Variants in ANK2 observed in about 807,000 individuals in gnomAD.
ANK2 encodes ankyrin-2.
In ANK2, 83 loss-of-function variants were observed where a neutral mutation model predicts 360.5. That is an observed-to-expected ratio of 0.23 (90% CI 0.19 to 0.28). ANK2 has a LOEUF of 0.28. Ranked by LOEUF, ANK2 falls within the 10% of genes least tolerant of loss-of-function variation. ANK2 has a pLI of 1.00. For missense variants in ANK2, 4,201 were observed against 4,795.7 expected (o/e 0.88, Z 3.66); for synonymous variants, 1,740 against 1,759.5 (o/e 0.99, Z 0.28).
chr4:112,902,349 A>C (rs2083712967), intron 1 of ANK2, among the ~76,000 whole-genome samples: 1 of 152,230 alleles, frequency 6.6e-6, no homozygotes, highest in African/African-American at 2.4e-5. Flanking sequence ...TGCTGTGCAC[A>C]ACATTGATTT....
intron 9 of ANK2, among the ~76,000 whole-genome samples, chr4:113,246,523 G>C (rs1330099905): frequency 1.3e-5 from 2 of 151,956 alleles, no homozygotes; most frequent in Non-Finnish European, 2.9e-5. Flanking sequence ...ATAAATTTAG[G>C]CTTTATTAAG....
chr4:113,174,735 C>A (rs1444073291), intron 2 of ANK2, among the ~76,000 whole-genome samples: 1 of 152,108 alleles, frequency 6.6e-6, no homozygotes, highest in African/African-American at 2.4e-5. Context: ...AAAACAACAA[C>A]TGAATGTCAA....
At chr4:112,901,879 G>T (rs1480888389) in intron 1 of ANK2, among the ~76,000 whole-genome samples, 1 of 149,776 alleles carries the variant, frequency 6.7e-6, no homozygotes, top group Non-Finnish European at 1.5e-5. Context: ...AAAAAAAAAA[G>T]GAAGAAGAAG....
chr4:113,263,421 G>A (rs1284888292), intron 13 of ANK2, among the ~76,000 whole-genome samples: 1 of 152,054 alleles, frequency 6.6e-6, no homozygotes, highest in Non-Finnish European at 1.5e-5. Context: ...CAGAAAATAA[G>A]CCCATTAGAG....
chr4:112,868,758 GAT>G (rs1440463227), intron 1 of ANK2, among the ~76,000 whole-genome samples: 31 of 152,162 alleles, frequency 2.0e-4, no homozygotes, highest in African/African-American at 7.2e-4. Flanking sequence ...TGTATAATGT[GAT>G]GTTTTGATAT....
At chr4:112,820,735 T>C (rs1017032899) in intron 1 of ANK2, among the ~76,000 whole-genome samples, 1 of 150,318 alleles carries the variant, frequency 6.7e-6, no homozygotes, top group Non-Finnish European at 1.5e-5. Flanking sequence ...GTGCCTAGCT[T>C]TGCCTTTGTT....
chr4:113,144,869 A>T (rs2096770871), intron 1 of ANK2, among the ~76,000 whole-genome samples: 1 of 149,478 alleles, frequency 6.7e-6, no homozygotes, highest in Admixed American at 6.7e-5. Context: ...CTAATGGAGG[A>T]ATAAAGCTTA....
At chr4:113,269,111 G>A (rs570688757) in intron 14 of ANK2, among the ~76,000 whole-genome samples, 5 of 152,190 alleles carry the variant, frequency 3.3e-5, no homozygotes, top group East Asian at 1.9e-4. Flanking sequence ...CTGTAATGGC[G>A]GACGCCCCTC....
At chr4:112,825,566 A>T (rs1006038982) in intron 1 of ANK2, among the ~76,000 whole-genome samples, 1 of 152,186 alleles carries the variant, frequency 6.6e-6, no homozygotes, top group Non-Finnish European at 1.5e-5. Context: ...AATACTACAA[A>T]AGCAACTGTT....
At chr4:112,949,772 C>G (rs2094808681) in intron 2 of ANK2, among the ~76,000 whole-genome samples, 2 of 152,050 alleles carry the variant, frequency 1.3e-5, no homozygotes, top group African/African-American at 4.8e-5. Flanking sequence ...AGGTAAGAAA[C>G]AAACAGGAAA....
Position 113,356,072 on chromosome 4 carries a change from G to A in ANK2, c.7454G>A (p.Ser2485Asn), listed in dbSNP as rs1250400244. ...AAGATGAAGGCTGGAATTTTTCCAA[G>A]TCACTTTCCTCTTCCTGCAGCTGTT... The part of the protein sequence containing the change: ...EPKMKAGIFP[S>N]HFPLPAAVAK... The change falls in exon 38 of 46, where the codon AGT becomes AAT. Residue 2485 changes from serine to asparagine, a missense_variant. Ser to Asn is a conservative substitution (Grantham distance 46, BLOSUM62 1). Coordinates refer to ENST00000357077, the MANE Select transcript of ANK2 (RefSeq NM_001148.6). The A allele has an allele frequency of 6.2e-7, 1 of 1,614,008 alleles. No individual in the cohort carries two copies. The highest frequency in any genetic ancestry group is 8.5e-7 in the Non-Finnish European group (1 of 1,180,004).
intron 26 of ANK2, among the ~76,000 whole-genome samples, chr4:113,329,942 T>G (rs1358720139): frequency 6.6e-6 from 1 of 152,214 alleles, no homozygotes; most frequent in East Asian, 1.9e-4. Context: ...TTCATTCCAT[T>G]TTCCTTCAAA....
rs1244990938 is a variant in ANK2 at position 113,354,678 on chromosome 4, G to A, written c.6060G>A (p.Gln2020=). 3.1e-6 allele frequency: 5 copies of A among 1,613,958 alleles called. No homozygotes were observed. The highest frequency in any genetic ancestry group is 2.7e-5 in the African/African-American group (2 of 74,892). The change falls in exon 38 of 46, where the codon CAG becomes CAA. Residue 2020 remains glutamine, a synonymous_variant. Transcript: ENST00000357077. ...AGCACAAATCAGCAAAACAAAAGCA[G>A]CCACAAGAGAAAGGTAAAGTTCGGG... is the stretch of plus-strand genomic sequence containing the variant. ...LFEHKSAKQK[Q]PQEKGKVRVE...
chr4:112,945,251 T>A (rs941221293), intron 2 of ANK2, among the ~76,000 whole-genome samples: 2 of 152,202 alleles, frequency 1.3e-5, no homozygotes, highest in African/African-American at 4.8e-5. Flanking sequence ...CATGTTACTT[T>A]GGCTCACATT....
chr4:113,020,521 T>A (rs1463657177), intron 2 of ANK2, among the ~76,000 whole-genome samples: 1 of 152,070 alleles, frequency 6.6e-6, no homozygotes, highest in Non-Finnish European at 1.5e-5. Context: ...ATAATTTGTT[T>A]TTTCTGATCA....
chr4:113,257,759 T>G (rs71604968), intron 11 of ANK2, among the ~76,000 whole-genome samples: 1 of 152,220 alleles, frequency 6.6e-6, no homozygotes, highest in African/African-American at 2.4e-5. Context: ...AAAATGTAAT[T>G]GCTTCTCTGT....
At chr4:113,089,232 A>G (rs1335103054) in intron 1 of ANK2, among the ~76,000 whole-genome samples, 1 of 152,220 alleles carries the variant, frequency 6.6e-6, no homozygotes, top group Non-Finnish European at 1.5e-5. Context: ...TAAACATTTC[A>G]TGACCATATG....
At chr4:113,029,015 C>A (rs2154302807) in intron 2 of ANK2, among the ~76,000 whole-genome samples, 1 of 152,130 alleles carries the variant, frequency 6.6e-6, no homozygotes, top group Admixed American at 6.6e-5. Flanking sequence ...TGCAACTCAG[C>A]TTCTAAAGAC....
chr4:112,911,334 T>G (rs559311958), intron 2 of ANK2, among the ~76,000 whole-genome samples: 4 of 151,730 alleles, frequency 2.6e-5, no homozygotes, highest in Non-Finnish European at 4.4e-5. Context: ...CCATCCTGGC[T>G]AACACGGTGA....
Sources: allele counts gnomAD v4.1 joint callset (sites outside exome capture counted in the v4.1 genomes callset), GRCh38; gene constraint gnomAD v4.1.1; transcripts MANE v1.5; gene names NCBI Gene and HGNC (gene_info 2026-07-23, HGNC 2026-07-21).